Variants in CD2AP observed in about 807,000 individuals in gnomAD.
The protein encoded by CD2AP is CD2-associated protein.
A neutral mutation model predicts 85.1 loss-of-function variants in CD2AP; 46 were observed. The ratio of observed to expected loss-of-function variants is 0.54; its 90% CI spans 0.43 to 0.69. The LOEUF is 0.69. Among genes scored for constraint, CD2AP ranks in the 30% least tolerant of loss-of-function variants. The pLI is 0.00. For missense variants in CD2AP, 769 were observed against 729.5 expected, an observed-to-expected ratio of 1.05 and a Z score of -0.62; for synonymous variants, 255 against 252.9, an observed-to-expected ratio of 1.01 and a Z score of -0.08.
Position 47,503,428 on chromosome 6 carries a change from C to T in CD2AP, c.153C>T (p.Asp51=), listed in dbSNP as rs767203625. 11 of 1,613,536 alleles carry T rather than the reference C, an allele frequency of 6.8e-6. No individual in the cohort carries two copies. The Admixed American group carries it at 8.3e-5, about 12-fold the overall frequency. The change falls in exon 2 of 18, where the codon GAC becomes GAT. Residue 51 remains aspartate, a synonymous_variant. Coordinates refer to ENST00000359314, the MANE Select transcript of CD2AP (RefSeq NM_012120.3). ...ATGGGAGAAGAGGAATGTTCCCTGA[C>T]AATTTCGTTAAGGTAAGTATTTTCA... ...ELNGRRGMFP[D]NFVKEIKRET...
Position 47,625,991 on chromosome 6 carries a change from A to T in CD2AP, c.*1764A>T, listed in dbSNP as rs142849910. On this transcript the variant is annotated 3_prime_UTR_variant, in exon 18 of 18. Coordinates refer to ENST00000359314, the MANE Select transcript of CD2AP (RefSeq NM_012120.3). ...CTTCTTGTTAAATAAATTAAATCTTACTTTCTTTTAATGACCAACCTTAGG... is the reference window on the plus strand; with the variant it reads ...CTTCTTGTTAAATAAATTAAATCTTTCTTTCTTTTAATGACCAACCTTAGG... 18 of 151,792 alleles carry T rather than the reference A, an allele frequency of 1.2e-4. No individual in the cohort carries two copies. The highest frequency in any genetic ancestry group is 4.1e-4 in the African/African-American group (17 of 41,348). The allele number at this position is 151,792 out of a possible 1,614,324, so 9.4% of individuals were successfully genotyped here. A position where few individuals can be genotyped will look rare whatever the true frequency, so the allele number is the denominator to read the frequency against.
At chr6:47,582,838 A>T (rs1461387081) in intron 11 of CD2AP, among the ~76,000 whole-genome samples, 9 of 144,940 alleles carry the variant, frequency 6.2e-5, no homozygotes, top group Non-Finnish European at 7.5e-5. Flanking sequence ...GCTGGAGTGC[A>T]GTGGCGCAAT....
At chr6:47,507,075 G>A (rs1285988201) in intron 2 of CD2AP, among the ~76,000 whole-genome samples, 2 of 152,100 alleles carry the variant, frequency 1.3e-5, no homozygotes, top group East Asian at 1.9e-4. Context: ...AATACTCACC[G>A]TGTCTTCACC....
intron 16 of CD2AP, among the ~76,000 whole-genome samples, chr6:47,611,882 G>A (rs564418369): frequency 1.3e-5 from 2 of 151,904 alleles, no homozygotes; most frequent in Non-Finnish European, 2.9e-5. Context: ...TTTGTGAAAA[G>A]ACATAATATT....
chr6:47,577,084 T>A lies in CD2AP; in HGVS notation c.884T>A (p.Ile295Lys). The change falls in exon 8 of 18, where the codon ATA becomes AAA. Residue 295 changes from isoleucine to lysine, a missense_variant. Coordinates refer to ENST00000359314, the MANE Select transcript of CD2AP (RefSeq NM_012120.3). ...EDELTFKEGE[I>K]IHLISKETGE... ...GAACTTACTTTTAAAGAGGGGGAGA[T>A]AATCCATTTGATAAGTAAGGTAAGG... The A allele has an allele frequency of 6.6e-7, 1 of 1,504,934 alleles. No homozygotes were observed. Among genetic ancestry groups the A allele is most frequent in the Non-Finnish European group, 9.3e-7 (1 of 1,081,006 alleles). The allele number at this position is 1,504,934 out of a possible 1,614,324, so 93.2% of individuals were successfully genotyped here.
At chr6:47,485,140 A>G (rs1765535929) in intron 1 of CD2AP, among the ~76,000 whole-genome samples, 1 of 152,212 alleles carries the variant, frequency 6.6e-6, no homozygotes. Context: ...TGTATTTACT[A>G]TGTTTTTTAA....
At chr6:47,508,818 T>G (rs1332667562) in intron 2 of CD2AP, among the ~76,000 whole-genome samples, 1 of 152,202 alleles carries the variant, frequency 6.6e-6, no homozygotes, top group Non-Finnish European at 1.5e-5. Flanking sequence ...GTGCTGGGAT[T>G]ACAGGTGTGA....
chr6:47,505,735 C>T (rs1766137293), intron 2 of CD2AP, among the ~76,000 whole-genome samples: 1 of 67,948 alleles, frequency 1.5e-5, no homozygotes, highest in African/African-American at 5.2e-5. Context: ...TCCTCACTTC[C>T]CAGTAGGGGC....
At chr6:47,578,493 C>T (rs945395333) in intron 8 of CD2AP, among the ~76,000 whole-genome samples, 2 of 152,146 alleles carry the variant, frequency 1.3e-5, no homozygotes, top group Admixed American at 6.5e-5. Flanking sequence ...GATTACAAAG[C>T]ATGAACCACT....
chr6:47,478,863 T>C (rs1216540026), intron 1 of CD2AP, among the ~76,000 whole-genome samples: 8 of 152,178 alleles, frequency 5.3e-5, no homozygotes, highest in African/African-American at 1.7e-4. Flanking sequence ...GGGTTTGGAC[T>C]TCAGTGTTGG....
At chr6:47,563,619 C>T (rs570478333) in intron 5 of CD2AP, among the ~76,000 whole-genome samples, 15 of 152,214 alleles carry the variant, frequency 9.9e-5, no homozygotes, top group East Asian at 9.7e-4. Flanking sequence ...ACCATATATT[C>T]GTTGTGGATT....
intron 3 of CD2AP, among the ~76,000 whole-genome samples, chr6:47,535,415 A>G (rs1767011374): frequency 6.6e-6 from 1 of 152,158 alleles, no homozygotes; most frequent in African/African-American, 2.4e-5. Flanking sequence ...AATAATTTTT[A>G]TAGAGTCCCC....
At chr6:47,538,972 T>G (rs1258857337) in intron 3 of CD2AP, among the ~76,000 whole-genome samples, 1 of 152,238 alleles carries the variant, frequency 6.6e-6, no homozygotes, top group Admixed American at 6.5e-5. Context: ...TGTAAAGTTT[T>G]CTGAAATTTT....
chr6:47,503,308 T>G lies in CD2AP; in HGVS notation c.33T>G (p.Asp11Glu). Residue 11 changes from aspartate (D) to glutamate (E), a missense_variant, in exon 2 of 18, where the codon GAT (aspartate) becomes GAG (glutamate). Physicochemically the swap from Asp to Glu is conservative, Grantham distance 45. Transcript: ENST00000359314. ...ACTATATTGTGGAGTATGACTATGATGCTGTACATGATGATGAATTAACTA... is the reference window on the plus strand; with the variant it reads ...ACTATATTGTGGAGTATGACTATGAGGCTGTACATGATGATGAATTAACTA... Reference protein sequence around the residue: MVDYIVEYDYDAVHDDELTIR... With the variant: MVDYIVEYDYEAVHDDELTIR... The G allele has an allele frequency of 1.2e-6, 2 of 1,613,852 alleles. No individual in the cohort carries two copies. The highest frequency in any genetic ancestry group is 2.2e-5 in the South Asian group (2 of 91,078).
chr6:47,514,924 C>T (rs960708750), intron 2 of CD2AP, among the ~76,000 whole-genome samples: 2 of 151,950 alleles, frequency 1.3e-5, no homozygotes, highest in Admixed American at 6.6e-5. Flanking sequence ...TGGTGGCACG[C>T]ACCTGCAATC....
At chr6:47,542,309 A>T (rs1171512412) in intron 3 of CD2AP, among the ~76,000 whole-genome samples, 3 of 152,048 alleles carry the variant, frequency 2.0e-5, no homozygotes, top group Non-Finnish European at 4.4e-5. Flanking sequence ...GAGTGTAGAC[A>T]CTCTTGTGAT....
intron 14 of CD2AP, among the ~76,000 whole-genome samples, chr6:47,607,335 G>T (rs1225880099): frequency 6.6e-6 from 1 of 151,962 alleles, no homozygotes; most frequent in East Asian, 1.9e-4. Context: ...AGCAGTGCTG[G>T]ATCAGATGGT....
At chr6:47,535,120 G>C (rs906522936) in intron 3 of CD2AP, among the ~76,000 whole-genome samples, 2 of 152,006 alleles carry the variant, frequency 1.3e-5, no homozygotes, top group Non-Finnish European at 2.9e-5. Flanking sequence ...TTATTACTAT[G>C]GTCAATTTGA....
At chr6:47,526,076 AGT>A (rs1243179291) in intron 2 of CD2AP, among the ~76,000 whole-genome samples, 1 of 152,192 alleles carries the variant, frequency 6.6e-6, no homozygotes, top group African/African-American at 2.4e-5. Context: ...TTTTGGTAAA[AGT>A]GAATGAAGGG....
Sources: allele counts gnomAD v4.1 joint callset (sites outside exome capture counted in the v4.1 genomes callset), GRCh38; gene constraint gnomAD v4.1.1; transcripts MANE v1.5; gene names NCBI Gene and HGNC (gene_info 2026-07-23, HGNC 2026-07-21).